Variants in NUP210 observed in about 807,000 individuals in gnomAD.
NUP210 encodes the protein nuclear pore membrane glycoprotein 210.
Under a neutral mutation model 196.0 loss-of-function variants are expected in NUP210, and 151 were observed. The ratio of observed to expected loss-of-function variants is 0.77; its 90% CI spans 0.67 to 0.88. The LOEUF (loss-of-function observed/expected upper bound fraction) is 0.88, where lower values mean the gene tolerates loss of function less well. NUP210 is among the 40% of genes least tolerant of loss of function. The pLI, the probability that NUP210 is intolerant of heterozygous loss-of-function variation, is 0.00. For missense variants in NUP210, 2,314 were observed against 2,493.7 expected (o/e 0.93, Z 1.53); for synonymous variants, 1,070 against 1,052.7 (o/e 1.02, Z -0.32).
intron 17 of NUP210, 115 bp downstream of exon 17, chr3:13,353,800 T>G: frequency 8.1e-7 from 1 of 1,240,472 alleles, no homozygotes; most frequent in Non-Finnish European, 1.1e-6. Flanking sequence ...ATTGTAAGAG[T>G]TAACAGGATC....
intron 1 of NUP210, among the ~76,000 whole-genome samples, chr3:13,404,561 C>G (rs1436469455): frequency 1.3e-5 from 2 of 152,188 alleles, no homozygotes; most frequent in Non-Finnish European, 2.9e-5. Flanking sequence ...CTGCTATGTC[C>G]TCATCTTACA....
intron 28 of NUP210, among the ~76,000 whole-genome samples, chr3:13,334,426 T>C (rs971511243): frequency 6.6e-6 from 1 of 152,136 alleles, no homozygotes; most frequent in African/African-American, 2.4e-5. Context: ...GTGTGTCGTG[T>C]GTGTGTGCAT....
At chr3:13,410,343 T>C (rs1700127390) in intron 1 of NUP210, among the ~76,000 whole-genome samples, 1 of 151,770 alleles carries the variant, frequency 6.6e-6, no homozygotes, top group African/African-American at 2.4e-5. Flanking sequence ...CATACCCAGC[T>C]AATTTTGTAT....
chr3:13,396,850 T>G (rs898973177), intron 3 of NUP210, among the ~76,000 whole-genome samples: 4 of 150,256 alleles, frequency 2.7e-5, no homozygotes, highest in African/African-American at 9.8e-5. Flanking sequence ...CATATTTGAC[T>G]CTGGCAAGGT....
Position 13,353,624 on chromosome 3 carries a change from GT to G in NUP210, c.2557del (p.Thr853ProfsTer35). ...QAILVHEASG[T>X]TAITATATGY... is the part of the protein sequence containing the mutation. The stretch of plus-strand genomic sequence containing the variant: ...AGTGGCAGTGGCAGTGATGGCTGTG[GT>G]TCCTGATGCCTCGTGAACCAAAATG... On this transcript the variant is annotated frameshift_variant, in exon 18 of 40. Transcript: ENST00000254508. LOFTEE classifies it high-confidence loss of function. 1 of 1,614,154 alleles carries G rather than the reference GT, an allele frequency of 6.2e-7. No homozygotes were observed.
rs1697044112 is a variant in NUP210 at position 13,332,653 on chromosome 3, G to GCAA, written c.3844-272_3844-270dup. Reference sequence around the variant, plus strand: ...TAAAAATTAGCCAGGCATGGAGTGTGCAACTGTAGTCCCAGCTACTTGGGA... The same window carrying GCAA: ...TAAAAATTAGCCAGGCATGGAGTGTGCAACAACTGTAGTCCCAGCTACTTGGGA... On this transcript the variant is annotated intron_variant, in intron 28 of 39. Transcript: ENST00000254508. Among the ~76,000 whole-genome samples the GCAA allele has an allele frequency of 2.6e-5, 4 of 152,304 alleles. No individual in the cohort carries two copies. In the South Asian group the frequency reaches 8.3e-4, roughly 32 times the overall value.
intron 36 of NUP210, among the ~76,000 whole-genome samples, 168 bp downstream of exon 36, chr3:13,321,417 A>G (rs535181018): frequency 2.0e-5 from 3 of 152,378 alleles, no homozygotes; most frequent in Non-Finnish European, 2.9e-5. Context: ...AGAGACAGCA[A>G]CAGTGCTATG....
intron 36 of NUP210, among the ~76,000 whole-genome samples, chr3:13,320,430 G>A (rs1228241894): frequency 6.6e-6 from 1 of 152,000 alleles, no homozygotes; most frequent in Non-Finnish European, 1.5e-5. Flanking sequence ...TCAGGAGATC[G>A]AGACCAGCCT....
intron 28 of NUP210, among the ~76,000 whole-genome samples, chr3:13,334,161 A>G (rs979799006): frequency 1.3e-5 from 2 of 152,220 alleles, no homozygotes; most frequent in Non-Finnish European, 2.9e-5. Flanking sequence ...TGTAGGCTGG[A>G]TCCAGATTCT....
chr3:13,320,632 CA>C (rs35982089), intron 36 of NUP210, among the ~76,000 whole-genome samples: 4,728 of 67,414 alleles, frequency 0.07, 105 homozygotes, highest in African/African-American at 0.14. Context: ...GACTCCGTCT[CA>C]AAAAAAAAAA....
In NUP210 at chr3:13,354,361, T is replaced by C; in HGVS notation, c.2329-254A>G. 3 of 515,178 alleles carry C rather than the reference T, an allele frequency of 5.8e-6. No homozygotes were observed. In the South Asian group the frequency reaches 6.8e-5, roughly 12 times the overall value. 31.9% of individuals were successfully genotyped at this position (515,178 alleles called of 1,614,324 possible). ...ACCACTAGGGGGCCTTCAGCAACAC[T>C]GGAGGCATTTCTGGCTGTCCCTACG... On this transcript the variant is annotated intron_variant, in intron 16 of 39. Coordinates refer to ENST00000254508, the MANE Select transcript of NUP210 (RefSeq NM_024923.4).
Position 13,321,575 on chromosome 3 carries a change from T to C in NUP210, c.5166+10A>G. 6.2e-7 allele frequency: 1 copy of C among 1,611,034 alleles called. No individual in the cohort carries two copies. Among genetic ancestry groups the C allele is most frequent in the Non-Finnish European group, 8.5e-7 (1 of 1,177,272 alleles). ...TCCGGCCTGGCCTGAGGCATGCAGATGCCACTCACCTCCAAGTTCTCCAGA... is the reference window on the plus strand; with the variant it reads ...TCCGGCCTGGCCTGAGGCATGCAGACGCCACTCACCTCCAAGTTCTCCAGA... On this transcript the variant is annotated intron_variant, in intron 36 of 39. Coordinates refer to ENST00000254508, the MANE Select transcript of NUP210 (RefSeq NM_024923.4).
intron 21 of NUP210, 36 bp downstream of exon 21, chr3:13,343,139 C>T: frequency 6.2e-7 from 1 of 1,611,106 alleles, no homozygotes; most frequent in Non-Finnish European, 8.5e-7. Context: ...TCCTGCAGGT[C>T]AGCCGAGGGT....
chr3:13,383,672 G>A (rs896358511), intron 6 of NUP210, among the ~76,000 whole-genome samples: 1 of 151,838 alleles, frequency 6.6e-6, no homozygotes, highest in African/African-American at 2.4e-5. Flanking sequence ...CTACAGGTGT[G>A]TGCCACCATG....
chr3:13,339,298 G>A (rs1263171766), intron 25 of NUP210, among the ~76,000 whole-genome samples: 1 of 152,170 alleles, frequency 6.6e-6, no homozygotes, highest in African/African-American at 2.4e-5. Context: ...TAGTTCTCAT[G>A]AGGAATGGTA....
chr3:13,388,194 C>T (rs1576409288), intron 5 of NUP210, 109 bp downstream of exon 5: 1 of 776,792 alleles, frequency 1.3e-6, no homozygotes, highest in East Asian at 2.8e-5. Flanking sequence ...GACAGCATCT[C>T]ACTTCCACTA....
intron 2 of NUP210, among the ~76,000 whole-genome samples, chr3:13,397,781 G>C (rs774936242): frequency 1.3e-5 from 2 of 152,248 alleles, no homozygotes; most frequent in Non-Finnish European, 2.9e-5. Context: ...CAGGGTGTAA[G>C]CATTCCGTGA....
chr3:13,395,022 G>A (rs1303297114), intron 3 of NUP210, among the ~76,000 whole-genome samples: 1 of 152,168 alleles, frequency 6.6e-6, no homozygotes, highest in Non-Finnish European at 1.5e-5. Flanking sequence ...GCCTTGACAT[G>A]GGCTACTGGT....
At chr3:13,412,504 G>A (rs1185814626) in intron 1 of NUP210, among the ~76,000 whole-genome samples, 5 of 151,910 alleles carry the variant, frequency 3.3e-5, no homozygotes, top group South Asian at 2.1e-4. Flanking sequence ...ACCTGAGGTC[G>A]GGAGTTCGAG....
Sources: gnomAD v4.1 joint callset for allele counts (sites outside exome capture counted in the v4.1 genomes callset) on GRCh38, gnomAD v4.1.1 for gene constraint, MANE v1.5 for transcripts, NCBI Gene and HGNC (gene_info 2026-07-23, HGNC 2026-07-21) for gene names.